The following PTPRD variants were observed in gnomAD, a reference collection of about 807,000 sequenced individuals.
PTPRD encodes the protein protein tyrosine phosphatase receptor type D, also known as receptor-type tyrosine-protein phosphatase delta.
PTPRD carries 34 observed loss-of-function variants against 214.5 expected under a neutral mutation model. The ratio of observed to expected loss-of-function variants is 0.16; its 90% CI spans 0.12 to 0.21. PTPRD has a LOEUF of 0.21. Among genes scored for constraint, PTPRD ranks in the 10% least tolerant of loss-of-function variants. PTPRD has a pLI of 1.00. For missense variants in PTPRD, 2,545 were observed against 2,398.7 expected (o/e 1.06, Z -1.27); for synonymous variants, 1,128 against 845.7 (o/e 1.33, Z -5.79).
At chr9:8,376,495 T>C in intron 38 of PTPRD, 112 bp downstream of exon 38, 1 of 1,456,162 alleles carries the variant, frequency 6.9e-7, no homozygotes, top group South Asian at 1.2e-5. Flanking sequence ...TTCTTCACTG[T>C]TGCCATTGAG....
chr9:9,489,912 A>G (rs1372091448), intron 8 of PTPRD, among the ~76,000 whole-genome samples: 1 of 152,142 alleles, frequency 6.6e-6, no homozygotes, highest in African/African-American at 2.4e-5. Context: ...AAGTTCAATG[A>G]ACTTTAAGTA....
intron 2 of PTPRD, among the ~76,000 whole-genome samples, chr9:10,525,095 T>C (rs2053832977): frequency 1.3e-5 from 2 of 152,018 alleles, no homozygotes; most frequent in African/African-American, 4.8e-5. Flanking sequence ...GGAAGAAGTA[T>C]TATTTTGACA....
intron 26 of PTPRD, among the ~76,000 whole-genome samples, chr9:8,494,739 C>T (rs978345243): frequency 2.6e-5 from 4 of 152,182 alleles, no homozygotes; most frequent in African/African-American, 9.7e-5. Context: ...ACAGACATAA[C>T]GCAATTTGAA....
rs1274667980 is a variant in PTPRD, at chr9:8,315,268, A to G, written c.*2606T>C. 8.6e-6 allele frequency: 2 copies of G among 232,586 alleles called. No individual in the cohort carries two copies. The highest frequency in any genetic ancestry group is 1.7e-5 in the Non-Finnish European group (2 of 117,406). 14.4% of individuals were successfully genotyped at this position (232,586 alleles called of 1,614,324 possible). A position where few individuals can be genotyped will look rare whatever the true frequency, so the allele number is the denominator to read the frequency against. Reference sequence around the variant, plus strand: ...GCAATAGTCTCCGCCTCGTTCGTCTATGGTATGCATCCCATTCATTTTCTT... The same window carrying G: ...GCAATAGTCTCCGCCTCGTTCGTCTGTGGTATGCATCCCATTCATTTTCTT... On this transcript the variant is annotated 3_prime_UTR_variant, in exon 46 of 46. Transcript: ENST00000381196.
intron 11 of PTPRD, among the ~76,000 whole-genome samples, chr9:8,753,573 TAGAA>T (rs58121486): frequency 0.051 from 7,697 of 152,262 alleles, 483 homozygotes; most frequent in African/African-American, 0.15. Flanking sequence ...GACTAGTTAC[TAGAA>T]TGTGTGAAAA....
intron 9 of PTPRD, among the ~76,000 whole-genome samples, chr9:9,247,847 A>G (rs901182087): frequency 2.0e-5 from 3 of 152,110 alleles, no homozygotes; most frequent in Non-Finnish European, 4.4e-5. Context: ...ATTCTGATGC[A>G]CATTGAAGTT....
chr9:8,825,715 T>C (rs72702400), intron 11 of PTPRD, among the ~76,000 whole-genome samples: 23,699 of 152,212 alleles, frequency 0.16, 2,154 homozygotes, highest in East Asian at 0.24. Flanking sequence ...CCATGAGGGC[T>C]GCTGGTTGCC....
At chr9:8,486,583 C>T in intron 27 of PTPRD, 3 of 663,274 alleles carry the variant, frequency 4.5e-6, no homozygotes, top group South Asian at 3.1e-5. Context: ...CAGAAATTAT[C>T]ATTGAAACAA....
chr9:8,710,882 T>G (rs1318632715), intron 12 of PTPRD, among the ~76,000 whole-genome samples: 1 of 152,176 alleles, frequency 6.6e-6, no homozygotes, highest in Non-Finnish European at 1.5e-5. Flanking sequence ...AAAACTAGCC[T>G]TAAACTTTAG....
chr9:9,900,106 G>A (rs1274637496), intron 5 of PTPRD, among the ~76,000 whole-genome samples: 2 of 152,188 alleles, frequency 1.3e-5, no homozygotes, highest in Non-Finnish European at 2.9e-5. Flanking sequence ...TCTCTAGCAA[G>A]TGGTTGTTCC....
In PTPRD at chr9:8,485,921, G is replaced by A. The variant is rs954068490; in HGVS notation, c.2896C>T (p.Leu966Phe). The A allele has an allele frequency of 6.2e-7, 1 of 1,614,208 alleles. No individual in the cohort carries two copies. Among genetic ancestry groups the A allele is most frequent in the Non-Finnish European group, 8.5e-7 (1 of 1,180,036 alleles). ...LLYRDINIPLLPMEQLIVPAD... is the reference protein window; with the variant it reads ...LLYRDINIPLFPMEQLIVPAD... The stretch of plus-strand genomic sequence containing the variant: ...GGAACAATAAGCTGCTCCATCGGGA[G>A]AAGGGGGATGTTGATATCCCTATAA... Residue 966 changes from leucine (L) to phenylalanine (F), a missense_variant, in exon 28 of 46, where the codon CTC becomes TTC. By Grantham distance (22) the Leu-to-Phe change is conservative. Coordinates refer to ENST00000381196, the MANE Select transcript of PTPRD (RefSeq NM_002839.4).
intron 2 of PTPRD, among the ~76,000 whole-genome samples, chr9:10,556,061 C>A (rs2062508592): frequency 6.6e-6 from 1 of 152,038 alleles, no homozygotes; most frequent in Non-Finnish European, 1.5e-5. Context: ...AACATAAATA[C>A]CTTTTGCAAC....
intron 3 of PTPRD, among the ~76,000 whole-genome samples, chr9:10,153,769 T>C (rs368862800): frequency 1.4e-3 from 215 of 152,162 alleles, no homozygotes; most frequent in African/African-American, 4.5e-3. Flanking sequence ...ACTTATAAAT[T>C]AGAACATGTG....
chr9:10,451,280 T>C (rs2098840044), intron 2 of PTPRD, among the ~76,000 whole-genome samples: 1 of 152,004 alleles, frequency 6.6e-6, no homozygotes, highest in South Asian at 2.1e-4. Flanking sequence ...TTACAATTTA[T>C]GAATTACATT....
chr9:10,353,583 A>G (rs1055718013), intron 2 of PTPRD, among the ~76,000 whole-genome samples: 1 of 151,980 alleles, frequency 6.6e-6, no homozygotes, highest in Admixed American at 6.6e-5. Context: ...TTTCAGCAGA[A>G]GAGTTACAAG....
At chr9:10,545,789 C>T (rs2060047842) in intron 2 of PTPRD, among the ~76,000 whole-genome samples, 1 of 152,112 alleles carries the variant, frequency 6.6e-6, no homozygotes, top group African/African-American at 2.4e-5. Flanking sequence ...CAATAGAATT[C>T]TTGGCATTTC....
At chr9:9,645,744 C>T (rs1302676344) in intron 7 of PTPRD, among the ~76,000 whole-genome samples, 1 of 151,960 alleles carries the variant, frequency 6.6e-6, no homozygotes, top group South Asian at 2.1e-4. Context: ...TCCTGTATAA[C>T]CTTTTAGCTT....
chr9:9,378,469 T>C (rs899229095), intron 9 of PTPRD, among the ~76,000 whole-genome samples: 2 of 152,174 alleles, frequency 1.3e-5, no homozygotes, highest in African/African-American at 2.4e-5. Context: ...TTATGAATAA[T>C]GCTGTTATAA....
At chr9:9,496,932 T>C (rs2096219140) in intron 8 of PTPRD, among the ~76,000 whole-genome samples, 1 of 152,160 alleles carries the variant, frequency 6.6e-6, no homozygotes, top group Admixed American at 6.6e-5. Context: ...GGAAGGAAAT[T>C]CTGACATATG....
Sources: gnomAD v4.1 joint callset for allele counts (sites outside exome capture counted in the v4.1 genomes callset) on GRCh38, gnomAD v4.1.1 for gene constraint, MANE v1.5 for transcripts, NCBI Gene and HGNC (gene_info 2026-07-23, HGNC 2026-07-21) for gene names.